Variants in FKBP5 observed in about 807,000 individuals in gnomAD.
FKBP5 encodes the protein peptidyl-prolyl cis-trans isomerase FKBP5.
Under a neutral mutation model 50.5 loss-of-function variants are expected in FKBP5, and 23 were observed. That is an observed-to-expected ratio of 0.46 (90% CI 0.33 to 0.65). The LOEUF is 0.65. Ranked by LOEUF, FKBP5 falls within the 30% of genes least tolerant of loss-of-function variation. The pLI is 0.02. For synonymous variants in FKBP5, 176 were observed against 190.6 expected (o/e 0.92, Z 0.63); for missense variants, 411 against 553.1 (o/e 0.74, Z 2.58).
intron 5 of FKBP5, among the ~76,000 whole-genome samples, chr6:35,602,777 A>C (rs1466375057): frequency 6.6e-6 from 1 of 152,164 alleles, no homozygotes; most frequent in Non-Finnish European, 1.5e-5. Flanking sequence ...TACAGAACTG[A>C]CGGACAGATG....
At chr6:35,705,711 G>A (rs144918332) in intron 2 of FKBP5, among the ~76,000 whole-genome samples, 1 of 152,220 alleles carries the variant, frequency 6.6e-6, no homozygotes, top group African/African-American at 2.4e-5. Flanking sequence ...ATCTGGGGGT[G>A]AGGAGGGTGA....
At chr6:35,602,459 T>C (rs1763174406) in intron 5 of FKBP5, among the ~76,000 whole-genome samples, 1 of 151,932 alleles carries the variant, frequency 6.6e-6, no homozygotes, top group African/African-American at 2.4e-5. Flanking sequence ...ACAAGACTGG[T>C]TATCTGGCCA....
intron 5 of FKBP5, 65 bp from the exon 6 acceptor site, chr6:35,597,469 G>T: frequency 6.5e-7 from 1 of 1,526,806 alleles, no homozygotes. Flanking sequence ...TCAGTGAAGT[G>T]ATAAATGAGT....
rs7755289 is a variant in FKBP5, at chr6:35,583,636, T to A, written c.840+3398A>T. ...GGCATTTTTAGTTGTCATAACTGGG[T>A]AGGATGCTACTGGCATCTAATGGGC... On this transcript the variant is annotated intron_variant, in intron 8 of 10. Transcript: ENST00000357266. 4.1e-3 allele frequency: 3,781 copies of A among 927,436 alleles called. 10 individuals are homozygous for A. Among genetic ancestry groups the A allele is most frequent in the Middle Eastern group, 0.018 (33 of 1,810 alleles). The allele number at this position is 927,436 out of a possible 1,614,324, so 57.5% of individuals were successfully genotyped here.
At chr6:35,721,422 T>A (rs912355474) in intron 1 of FKBP5, among the ~76,000 whole-genome samples, 25 of 152,018 alleles carry the variant, frequency 1.6e-4, no homozygotes, top group African/African-American at 5.6e-4. Context: ...TTGATTTTTT[T>A]ATTTAAAAAA....
intron 6 of FKBP5, among the ~76,000 whole-genome samples, chr6:35,593,120 C>A (rs1046516257): frequency 6.6e-6 from 1 of 152,242 alleles, no homozygotes; most frequent in African/African-American, 2.4e-5. Flanking sequence ...GCAGCACCTA[C>A]CCTGACTTCC....
chr6:35,616,524 C>CAA (rs1561859759), intron 5 of FKBP5, among the ~76,000 whole-genome samples: 1 of 151,796 alleles, frequency 6.6e-6, no homozygotes, highest in Admixed American at 6.6e-5. Context: ...CTGTGTAAAG[C>CAA]ATATAAGGGA....
rs577492814 is a variant in FKBP5 at position 35,614,701 on chromosome 6, T to G, written c.508+4395A>C. 3.3e-5 allele frequency among the ~76,000 whole-genome samples: 5 copies of G among 152,326 alleles called. No individual in the cohort carries two copies. In the East Asian group the frequency reaches 9.6e-4, roughly 29 times the overall value. On this transcript the variant is annotated intron_variant, in intron 5 of 10. Transcript: ENST00000357266. ...ACTAGGATGGGAGCAATGAGTATGC[T>G]GTGGAGAATGAGAGCATTTTCTCAC...
chr6:35,620,130 G>C lies in FKBP5; in HGVS notation c.393+2C>G. On this transcript the variant is annotated splice_donor_variant, in intron 4 of 10. Transcript: ENST00000357266. LOFTEE classifies it high-confidence loss of function. ...ACAAGGCAACATCACACACATACTT[G>C]CCTCAAAAAAGAGAGTTGCATTCGA... 1 of 1,614,046 alleles carries C rather than the reference G, an allele frequency of 6.2e-7. No homozygotes were observed. The highest frequency in any genetic ancestry group is 8.5e-7 in the Non-Finnish European group (1 of 1,180,006).
intron 1 of FKBP5, among the ~76,000 whole-genome samples, chr6:35,646,807 T>C (rs1266903332): frequency 6.6e-6 from 1 of 152,182 alleles, no homozygotes; most frequent in Non-Finnish European, 1.5e-5. Flanking sequence ...GTTATGGACA[T>C]GGCAGATAAG....
At chr6:35,576,951 T>G (rs757380566) in intron 10 of FKBP5, 43 bp downstream of exon 10, 1 of 1,603,270 alleles carries the variant, frequency 6.2e-7, no homozygotes, top group Non-Finnish European at 8.5e-7. Context: ...AGGGGCATGG[T>G]CAGGCTCTTG....
At chr6:35,583,532 C>T (rs1762508605) in intron 8 of FKBP5, 2 of 985,422 alleles carry the variant, frequency 2.0e-6, no homozygotes, top group Non-Finnish European at 2.4e-6. Flanking sequence ...CTGTCTTGTA[C>T]TCCCTGCTTC....
chr6:35,656,414 T>C (rs1764950073), intron 1 of FKBP5, among the ~76,000 whole-genome samples: 1 of 152,198 alleles, frequency 6.6e-6, no homozygotes, highest in Non-Finnish European at 1.5e-5. Flanking sequence ...AATTTATAAA[T>C]ATATGTTTTA....
chr6:35,726,938 T>C (rs191924385), intron 1 of FKBP5, among the ~76,000 whole-genome samples: 18 of 152,288 alleles, frequency 1.2e-4, no homozygotes, highest in Admixed American at 9.8e-4. Context: ...ACAGGATTAG[T>C]AAACAGATCG....
At chr6:35,640,198 T>C (rs1363537820) in intron 2 of FKBP5, among the ~76,000 whole-genome samples, 3 of 152,136 alleles carry the variant, frequency 2.0e-5, no homozygotes, top group South Asian at 4.1e-4. Flanking sequence ...CATCGCAGAG[T>C]GTACTTACAC....
chr6:35,632,264 CTG>C (rs1163133141), intron 3 of FKBP5, among the ~76,000 whole-genome samples: 2 of 152,168 alleles, frequency 1.3e-5, no homozygotes, highest in Non-Finnish European at 2.9e-5. Flanking sequence ...TAGATTGATT[CTG>C]TCTTTCCCAA....
At chr6:35,602,595 A>T (rs1763179098) in intron 5 of FKBP5, among the ~76,000 whole-genome samples, 1 of 151,894 alleles carries the variant, frequency 6.6e-6, no homozygotes, top group Non-Finnish European at 1.5e-5. Context: ...CCAAGAGAGT[A>T]GGATCTTAAT....
chr6:35,584,082 C>G, intron 8 of FKBP5: 1 of 985,396 alleles, frequency 1.0e-6, no homozygotes, highest in Non-Finnish European at 1.2e-6. Context: ...AAAACACTGA[C>G]CAGGTGTGAG....
intron 7 of FKBP5, among the ~76,000 whole-genome samples, chr6:35,587,350 G>C (rs1762633925): frequency 1.3e-5 from 2 of 152,206 alleles, no homozygotes; most frequent in South Asian, 2.1e-4. Context: ...GCTCAAGAGA[G>C]AGGAGCCGCA....
Sources: allele counts gnomAD v4.1 joint callset (sites outside exome capture counted in the v4.1 genomes callset), GRCh38; gene constraint gnomAD v4.1.1; transcripts MANE v1.5; gene names NCBI Gene and HGNC (gene_info 2026-07-23, HGNC 2026-07-21).